KIF19: variants seen among roughly 807,000 people sequenced by gnomAD.
KIF19 encodes kinesin-like protein KIF19.
Under a neutral mutation model 106.6 loss-of-function variants are expected in KIF19, and 98 were observed. That is an observed-to-expected ratio of 0.92 (90% CI 0.78 to 1.09). KIF19 has a LOEUF of 1.09. Among genes scored for constraint, KIF19 ranks in the 50% least tolerant of loss-of-function variants. The pLI, the probability that KIF19 is intolerant of heterozygous loss-of-function variation, is 0.00. For missense variants in KIF19, 1,373 were observed against 1,414.3 expected, an observed-to-expected ratio of 0.97 and a Z score of 0.47; for synonymous variants, 516 against 584.2, an observed-to-expected ratio of 0.88 and a Z score of 1.68.
At chr17:74,328,731 G>A (rs919840451) in intron 2 of KIF19, 13 of 484,922 alleles carry the variant, frequency 2.7e-5, no homozygotes, top group Middle Eastern at 6.3e-4. Flanking sequence ...CCCTAGCCTG[G>A]GTGGGCCCTG....
chr17:74,334,739 GAAAC>G (rs889621511), intron 2 of KIF19, among the ~76,000 whole-genome samples: 61 of 152,218 alleles, frequency 4.0e-4, no homozygotes, highest in Middle Eastern at 3.4e-3. Flanking sequence ...CTCCTTTAAA[GAAAC>G]AAACAAACAA....
At chr17:74,342,961 C>T (rs1214758140) in intron 4 of KIF19, 63 bp from the exon 5 acceptor site, 2 of 1,513,334 alleles carry the variant, frequency 1.3e-6, no homozygotes, top group East Asian at 2.4e-5. Flanking sequence ...TCCAGGAGTG[C>T]CTGCCCAGCA....
At chr17:74,341,596 G>C (rs117622245) in intron 2 of KIF19, among the ~76,000 whole-genome samples, 2,072 of 152,312 alleles carry the variant, frequency 0.014, 31 homozygotes, top group Non-Finnish European at 0.015. Context: ...AAGGGCAGAT[G>C]ATGGCGAGCC....
intron 1 of KIF19, 147 bp downstream of exon 1, chr17:74,326,535 A>G (rs1039857120): frequency 6.1e-6 from 4 of 656,966 alleles, no homozygotes; most frequent in Non-Finnish European, 1.0e-5. Context: ...AACTTTCCCC[A>G]AGTCCTGCAG....
intron 2 of KIF19, 78 bp downstream of exon 2, chr17:74,328,583 G>C: frequency 8.1e-7 from 1 of 1,232,908 alleles, no homozygotes; most frequent in East Asian, 2.5e-5. Context: ...AGGGCAGAAA[G>C]GGCCCCTGTG....
At chr17:74,350,077 G>A (rs950141798) in intron 10 of KIF19, among the ~76,000 whole-genome samples, 1 of 152,198 alleles carries the variant, frequency 6.6e-6, no homozygotes, top group East Asian at 1.9e-4. Flanking sequence ...GGGATTACAG[G>A]TGTAAGCTAC....
chr17:74,351,910 G>C lies in KIF19; in HGVS notation c.1631G>C (p.Arg544Pro). 2.1e-6 allele frequency: 3 copies of C among 1,424,728 alleles called. No homozygotes were observed. Among genetic ancestry groups the C allele is most frequent in the South Asian group, 2.9e-5 (2 of 69,100 alleles). The allele number at this position is 1,424,728 out of a possible 1,614,324, so 88.3% of individuals were successfully genotyped here. A position where few individuals can be genotyped will look rare whatever the true frequency, so the allele number is the denominator to read the frequency against. ...TGCCGGGAGCTGCGCGCGCGGGGCC[G>C]GCGCCTGGAGGAGACGCTGCCGCGG... ...QRCRELRARG[R>P]RLEETLPRRI... The change falls in exon 13 of 20, where the codon CGG (arginine) becomes CCG (proline). Residue 544 changes from arginine to proline, a missense_variant. Transcript: ENST00000389916.
intron 2 of KIF19, among the ~76,000 whole-genome samples, chr17:74,333,926 G>A (rs181223282): frequency 2.0e-3 from 290 of 143,232 alleles, no homozygotes; most frequent in African/African-American, 7.4e-3. Flanking sequence ...TGGGCTCAAA[G>A]GATCCTCCCA....
chr17:74,355,021 C>T (rs951996029), intron 19 of KIF19, 80 bp downstream of exon 19: 67 of 1,546,406 alleles, frequency 4.3e-5, no homozygotes, highest in African/African-American at 5.4e-5. Flanking sequence ...GCATTTCCTG[C>T]GCCTCTGGCT....
At chr17:74,329,347 C>G (rs2054007600) in intron 2 of KIF19, 1 of 151,508 alleles carries the variant, frequency 6.6e-6, no homozygotes, top group Non-Finnish European at 1.5e-5. Context: ...ACTCAGGAAG[C>G]TGAGGCAGGA....
chr17:74,349,007 G>A lies in KIF19; in HGVS notation c.1048-177G>A, dbSNP rs147302175. 2,632 of 625,532 alleles carry A rather than the reference G, an allele frequency of 4.2e-3. 9 individuals are homozygous for A. Among genetic ancestry groups the A allele is most frequent in the Non-Finnish European group, 6.3e-3 (2,269 of 359,406 alleles). The allele number at this position is 625,532 out of a possible 1,614,324, so 38.7% of individuals were successfully genotyped here. A position where few individuals can be genotyped will look rare whatever the true frequency, so the allele number is the denominator to read the frequency against. ...CCGCAGGCATTAGGAAGCCACTGAA[G>A]GTTGATGAGATCTAGCAGTGAGTGT... On this transcript the variant is annotated intron_variant, in intron 9 of 19. Transcript: ENST00000389916.
At chr17:74,347,629 C>G (rs764632964) in intron 8 of KIF19, 148 bp from the exon 9 acceptor site, 14 of 841,270 alleles carry the variant, frequency 1.7e-5, no homozygotes, top group South Asian at 6.9e-5. Context: ...TCCTCCCAAG[C>G]CTCACACCAT....
In KIF19 at chr17:74,355,447, AC is replaced by A; in HGVS notation, c.*138del. On this transcript the variant is annotated 3_prime_UTR_variant, in exon 20 of 20. Transcript: ENST00000389916. ...ATCTCAGCAGGCCAGGGCTCCTGAG[AC>A]CCAGGAACTGGGGTCTCTGCCCAAC... 1 of 1,173,646 alleles carries A rather than the reference AC, an allele frequency of 8.5e-7. No individual in the cohort carries two copies. Among genetic ancestry groups the A allele is most frequent in the Non-Finnish European group, 1.2e-6 (1 of 868,176 alleles). The allele number at this position is 1,173,646 out of a possible 1,614,324, so 72.7% of individuals were successfully genotyped here. A position where few individuals can be genotyped will look rare whatever the true frequency, so the allele number is the denominator to read the frequency against.
intron 7 of KIF19, 90 bp downstream of exon 7, chr17:74,345,045 C>A: frequency 7.9e-7 from 1 of 1,259,360 alleles, no homozygotes; most frequent in Non-Finnish European, 1.1e-6. Flanking sequence ...GCAAGGCCAG[C>A]ACCACAGGAA....
At chr17:74,338,418 G>A (rs1208142258) in intron 2 of KIF19, among the ~76,000 whole-genome samples, 1 of 148,932 alleles carries the variant, frequency 6.7e-6, no homozygotes, top group Non-Finnish European at 1.5e-5. Context: ...CAGGGAGCCT[G>A]AGTGAGTGGC....
At chr17:74,339,239 G>A (rs1201968489) in intron 2 of KIF19, among the ~76,000 whole-genome samples, 1 of 151,904 alleles carries the variant, frequency 6.6e-6, no homozygotes, top group Non-Finnish European at 1.5e-5. Flanking sequence ...TGCGTGAGAG[G>A]CAGTTTAGAA....
In KIF19 at chr17:74,354,826, G is replaced by A; in HGVS notation, c.2751G>A (p.Glu917=). 1 of 1,560,446 alleles carries A rather than the reference G, an allele frequency of 6.4e-7. No homozygotes were observed. Among genetic ancestry groups the A allele is most frequent in the Non-Finnish European group, 8.7e-7 (1 of 1,152,466 alleles). The change falls in exon 19 of 20, where the codon GAG becomes GAA. Residue 917 remains glutamate, a synonymous_variant. Transcript: ENST00000389916. Reference sequence around the variant, plus strand: ...ACCTCCTGGGGCCCCATCAGGCGGAGCGCATCTCGGACCACAGGATGCCAG... The same window carrying A: ...ACCTCCTGGGGCCCCATCAGGCGGAACGCATCTCGGACCACAGGATGCCAG... ...KTHLLGPHQA[E]RISDHRMPVC...
In KIF19 at chr17:74,352,359, G is replaced by A. The variant is rs752762016; in HGVS notation, c.1980+19G>A. The A allele has an allele frequency of 8.8e-6, 14 of 1,596,204 alleles. No homozygotes were observed. The highest frequency in any genetic ancestry group is 3.3e-4 in the Middle Eastern group (2 of 5,998). ...CCTGCAGGTGGGTGGGCGCCTGGGC[G>A]GCCTGAACATGGGCACATGTGCCCA... On this transcript the variant is annotated intron_variant, in intron 14 of 19. Transcript: ENST00000389916.
intron 2 of KIF19, among the ~76,000 whole-genome samples, chr17:74,332,141 T>G (rs1458846957): frequency 2.0e-5 from 3 of 151,008 alleles, no homozygotes; most frequent in Non-Finnish European, 4.4e-5. Context: ...CCTCTTCCTG[T>G]GTCAGAGCAC....
Sources: gnomAD v4.1 joint callset for allele counts (sites outside exome capture counted in the v4.1 genomes callset) on GRCh38, gnomAD v4.1.1 for gene constraint, MANE v1.5 for transcripts, NCBI Gene and HGNC (gene_info 2026-07-23, HGNC 2026-07-21) for gene names.